Variants in CENPI observed in about 807,000 individuals in gnomAD.
CENPI encodes centromere protein I.
CENPI carries 4 observed loss-of-function variants against 60.4 expected under a neutral mutation model. The ratio of observed to expected loss-of-function variants is 0.07; its 90% confidence interval spans 0.03 to 0.15. The LOEUF (loss-of-function observed/expected upper bound fraction) is 0.15. Among genes scored for constraint, CENPI ranks in the 10% least tolerant of loss-of-function variants. CENPI has a pLI of 1.00. For missense variants in CENPI, 444 were observed against 534.5 expected, an observed-to-expected ratio of 0.83 and a Z score of 1.67; for synonymous variants, 157 against 189.4, an observed-to-expected ratio of 0.83 and a Z score of 1.40.
Position 101,119,962 on chromosome X carries a change from C to T in CENPI, c.592-440C>T, listed in dbSNP as rs565499965. Among the ~76,000 whole-genome samples, 137 of 111,257 alleles carry T rather than the reference C, an allele frequency of 1.2e-3. No individual in the cohort carries two copies. In the Middle Eastern group the frequency reaches 0.019, roughly 15 times the overall value. On this transcript the variant is annotated intron_variant, in intron 6 of 21. Coordinates refer to ENST00000682095, the MANE Select transcript of CENPI (RefSeq NM_001386188.2). ...TTGAGGCCAGGAGTTAGAGACCAGC[C>T]TGGGCAACATAGTGAGACCTTGTCT...
At chrX:101,135,353 A>G (rs184488411) in intron 15 of CENPI, among the ~76,000 whole-genome samples, 54 of 111,617 alleles carry the variant, frequency 4.8e-4, no homozygotes, top group African/African-American at 1.3e-3. Context: ...AAGGTCCTCA[A>G]TGAATCTGGA....
intron 8 of CENPI, among the ~76,000 whole-genome samples, chrX:101,123,475 G>A (rs976010199): frequency 8.9e-6 from 1 of 112,065 alleles, no homozygotes; most frequent in Non-Finnish European, 1.9e-5. Flanking sequence ...ATGAGCCTGT[G>A]TGTATGCACT....
chrX:101,119,519 G>A (rs1410397155), intron 6 of CENPI, among the ~76,000 whole-genome samples: 2 of 111,765 alleles, frequency 1.8e-5, no homozygotes, highest in African/African-American at 6.5e-5. Flanking sequence ...TGGTGTGCAA[G>A]CAGCTGTAGA....
At chrX:101,144,376 C>T (rs922685297) in intron 16 of CENPI, among the ~76,000 whole-genome samples, 1 of 102,695 alleles carries the variant, frequency 9.7e-6, no homozygotes, top group Non-Finnish European at 2.0e-5. Context: ...AGCCACTGCA[C>T]CTCGCCTGAA....
the CENPI span, among the ~76,000 whole-genome samples, chrX:101,175,886 A>G: frequency 9.0e-6 from 1 of 111,294 alleles, no homozygotes. Context: ...TATTCCTTCT[A>G]TCTAACTGAA....
At chrX:101,170,782 T>TCC (rs747821733), downstream of CENPI, among the ~76,000 whole-genome samples, 4 of 111,000 alleles carry the variant, frequency 3.6e-5, no homozygotes, top group African/African-American at 1.3e-4. Context: ...CAGACATGTG[T>TCC]CATCATGCCC....
the CENPI span, among the ~76,000 whole-genome samples, chrX:101,180,676 A>G: frequency 8.9e-6 from 1 of 112,116 alleles, no homozygotes; most frequent in Non-Finnish European, 1.9e-5. Context: ...TGCCTAGTCC[A>G]GGGTCATGAA....
At chrX:101,143,673 C>T (rs1415137754) in intron 16 of CENPI, among the ~76,000 whole-genome samples, 3 of 111,993 alleles carry the variant, frequency 2.7e-5, no homozygotes, top group Non-Finnish European at 3.8e-5. Flanking sequence ...GGATTACAGG[C>T]GTGCACCACC....
chrX:101,128,024 T>C (rs2089754280), intron 11 of CENPI, among the ~76,000 whole-genome samples: 2 of 110,825 alleles, frequency 1.8e-5, no homozygotes, highest in African/African-American at 6.6e-5. Context: ...ATGGTGAAAC[T>C]CCATCTCTAT....
At chrX:101,155,221 C>T (rs1402431713) in intron 20 of CENPI, among the ~76,000 whole-genome samples, 1 of 111,162 alleles carries the variant, frequency 9.0e-6, no homozygotes, top group Admixed American at 9.7e-5. Context: ...TGGAATCTTG[C>T]TCTTCTTGCC....
At chrX:101,174,244 ATATC>A in the CENPI span, among the ~76,000 whole-genome samples, 2 of 112,015 alleles carry the variant, frequency 1.8e-5, no homozygotes, top group Admixed American at 9.4e-5. Flanking sequence ...GGGTGTATCT[ATATC>A]TATCTATATC....
intron 15 of CENPI, among the ~76,000 whole-genome samples, chrX:101,140,116 G>T (rs888036525): frequency 8.9e-6 from 1 of 112,195 alleles, no homozygotes; most frequent in Non-Finnish European, 1.9e-5. Context: ...GATTACAGGC[G>T]TGAGCCACCG....
intron 20 of CENPI, among the ~76,000 whole-genome samples, chrX:101,148,998 A>G (rs1265126943): frequency 9.0e-6 from 1 of 111,712 alleles, no homozygotes; most frequent in Non-Finnish European, 1.9e-5. Context: ...CAGACATCTT[A>G]GAAAAAACAA....
intron 20 of CENPI, among the ~76,000 whole-genome samples, chrX:101,157,389 T>C (rs1290101180): frequency 1.8e-5 from 2 of 111,590 alleles, no homozygotes; most frequent in South Asian, 3.7e-4. Context: ...GATGCATGCC[T>C]GTAATCCCAG....
chrX:101,104,782 C>T (rs1483211980), intron 4 of CENPI, among the ~76,000 whole-genome samples: 3 of 109,282 alleles, frequency 2.7e-5, no homozygotes, highest in Non-Finnish European at 5.7e-5. Flanking sequence ...ATCACTTGAG[C>T]CCAGGAGTTT....
At chrX:101,114,020 G>A (rs1749812107) in intron 6 of CENPI, among the ~76,000 whole-genome samples, 1 of 111,926 alleles carries the variant, frequency 8.9e-6, no homozygotes, top group Non-Finnish European at 1.9e-5. Context: ...ACTTCGGGAG[G>A]CCGAGGGGGG....
chrX:101,162,416 C>T (rs1268635223), intron 21 of CENPI, among the ~76,000 whole-genome samples: 1 of 93,800 alleles, frequency 1.1e-5, no homozygotes, highest in African/African-American at 4.2e-5. Flanking sequence ...ATCACTGCTG[C>T]ATTCCAGCTT....
intron 21 of CENPI, 33 bp from the exon 22 acceptor site, chrX:101,162,800 C>T (rs1449515115): frequency 2.5e-6 from 3 of 1,195,571 alleles, no homozygotes; most frequent in East Asian, 3.0e-5. Flanking sequence ...GTAAAATATT[C>T]GATAAGTAAT....
downstream of CENPI, among the ~76,000 whole-genome samples, chrX:101,166,331 T>A (rs1177793712): frequency 8.9e-6 from 1 of 111,760 alleles, no homozygotes; most frequent in Non-Finnish European, 1.9e-5. Flanking sequence ...AATTTTTGTA[T>A]TTTTGGTAGA....
Sources: allele counts gnomAD v4.1 joint callset (sites outside exome capture counted in the v4.1 genomes callset), GRCh38; gene constraint gnomAD v4.1.1; transcripts MANE v1.5; gene names NCBI Gene and HGNC (gene_info 2026-07-23, HGNC 2026-07-21).